The following UBE2E1 variants were observed in gnomAD, a reference collection of about 807,000 sequenced individuals.
UBE2E1 encodes ubiquitin-conjugating enzyme E2 E1.
A neutral mutation model predicts 21.4 loss-of-function variants in UBE2E1; 6 were observed. The ratio of observed to expected loss-of-function variants is 0.28; its 90% confidence interval spans 0.15 to 0.55. The LOEUF is 0.55. UBE2E1 is among the 20% of genes least tolerant of loss of function. The probability of loss-of-function intolerance (pLI) is 0.93; values close to 1 mark genes in which losing one functional copy is unlikely to be tolerated. For synonymous variants in UBE2E1, 87 were observed against 82.7 expected, an observed-to-expected ratio of 1.05 and a Z score of -0.28; for missense variants, 142 against 236.5, an observed-to-expected ratio of 0.60 and a Z score of 2.62.
At chr3:23,850,211 G>A (rs1325288082) in intron 3 of UBE2E1, among the ~76,000 whole-genome samples, 1 of 152,050 alleles carries the variant, frequency 6.6e-6, no homozygotes, top group African/African-American at 2.4e-5. Context: ...ATATTGCCCA[G>A]GCTGGTATTG....
chr3:23,865,554 A>G (rs911461504), intron 3 of UBE2E1, among the ~76,000 whole-genome samples: 5 of 152,028 alleles, frequency 3.3e-5, no homozygotes, highest in African/African-American at 9.7e-5. Context: ...AGGTCTCACA[A>G]TGTTGCCCAT....
chr3:23,848,259 A>G (rs780917494), intron 3 of UBE2E1, among the ~76,000 whole-genome samples: 41 of 152,224 alleles, frequency 2.7e-4, no homozygotes, highest in Non-Finnish European at 4.6e-4. Flanking sequence ...ACTTGAGGTC[A>G]GGAGTTTGAG....
rs537184817 is a variant in UBE2E1, at chr3:23,859,979, A to G, written c.204-27588A>G. On this transcript the variant is annotated intron_variant, in intron 3 of 5. Coordinates refer to ENST00000306627, the MANE Select transcript of UBE2E1 (RefSeq NM_003341.5). ...GACTGCTGGAGCCACTGAAATTTTCATTTACTTTGTTTTGAAGAAGCAGTT... is the reference window on the plus strand; with the variant it reads ...GACTGCTGGAGCCACTGAAATTTTCGTTTACTTTGTTTTGAAGAAGCAGTT... Among the ~76,000 whole-genome samples, 17 of 152,250 alleles carry G rather than the reference A, an allele frequency of 1.1e-4. No individual in the cohort carries two copies. In the East Asian group the frequency reaches 3.3e-3, roughly 29 times the overall value.
chr3:23,820,314 T>C (rs1377920519), intron 3 of UBE2E1, among the ~76,000 whole-genome samples: 1 of 152,226 alleles, frequency 6.6e-6, no homozygotes, highest in Non-Finnish European at 1.5e-5. Context: ...TCAAAGTCCC[T>C]GCTTGAGAAC....
chr3:23,843,689 C>G (rs1373883099), intron 3 of UBE2E1, among the ~76,000 whole-genome samples: 1 of 151,730 alleles, frequency 6.6e-6, no homozygotes, highest in Non-Finnish European at 1.5e-5. Flanking sequence ...TCACAAGCAT[C>G]TTCCATACCA....
intron 3 of UBE2E1, among the ~76,000 whole-genome samples, chr3:23,838,357 A>G (rs929333101): frequency 3.3e-5 from 5 of 152,160 alleles, no homozygotes; most frequent in East Asian, 1.9e-4. Flanking sequence ...ATGAACCACC[A>G]TGCCTGGACT....
Position 23,806,809 on chromosome 3 carries a change from A to T in UBE2E1, c.-33-428A>T. On this transcript the variant is annotated intron_variant, in intron 1 of 5. Transcript: ENST00000306627. The surrounding 1 kb of genome is among the most constrained non-coding windows in gnomAD (Gnocchi z 6.5). ...CTCGCCAAACTCCGCTCGTGGCCCC[A>T]CAGTCTCACCCGGGCCACCGGCCCC... 1 of 138,286 alleles carries T rather than the reference A, an allele frequency of 7.2e-6. No homozygotes were observed. Among genetic ancestry groups the T allele is most frequent in the East Asian group, 2.1e-4 (1 of 4,652 alleles). 8.6% of individuals were successfully genotyped at this position (138,286 alleles called of 1,614,324 possible). A position where few individuals can be genotyped will look rare whatever the true frequency, so the allele number is the denominator to read the frequency against.
intron 3 of UBE2E1, among the ~76,000 whole-genome samples, chr3:23,855,503 C>T (rs556711180): frequency 1.3e-5 from 2 of 152,238 alleles, no homozygotes; most frequent in African/African-American, 4.8e-5. Context: ...GAAGAGTTAG[C>T]ACTTGTTCCT....
intron 3 of UBE2E1, among the ~76,000 whole-genome samples, chr3:23,834,261 C>T (rs532640397): frequency 6.6e-6 from 1 of 152,270 alleles, no homozygotes; most frequent in African/African-American, 2.4e-5. Flanking sequence ...GCACTATAAT[C>T]TTGGGCAGAT....
intron 3 of UBE2E1, among the ~76,000 whole-genome samples, chr3:23,882,715 G>A (rs1477342344): frequency 6.6e-6 from 1 of 152,204 alleles, no homozygotes; most frequent in Non-Finnish European, 1.5e-5. Context: ...GAGAATTTGA[G>A]CCTGTTGCTG....
intron 3 of UBE2E1, among the ~76,000 whole-genome samples, chr3:23,871,300 CA>C (rs1700781511): frequency 9.6e-6 from 1 of 104,454 alleles, no homozygotes; most frequent in Non-Finnish European, 2.0e-5. Flanking sequence ...GCTGGCCGGG[CA>C]GAGGAGCTCC....
intron 3 of UBE2E1, among the ~76,000 whole-genome samples, chr3:23,820,033 G>T (rs1699614308): frequency 6.6e-6 from 1 of 152,148 alleles, no homozygotes; most frequent in Non-Finnish European, 1.5e-5. Flanking sequence ...GGGTCTAGGG[G>T]TGCTAAATAC....
In UBE2E1 at chr3:23,811,568, T is replaced by G. The variant is rs1171283018; in HGVS notation, c.203+58T>G. ...AAATTCTTCTAACCTTTGTCTTGGGTTTTTCTTTTTATTATATACTTTTTC... is the reference window on the plus strand; with the variant it reads ...AAATTCTTCTAACCTTTGTCTTGGGGTTTTCTTTTTATTATATACTTTTTC... On this transcript the variant is annotated intron_variant, in intron 3 of 5. Coordinates refer to ENST00000306627, the MANE Select transcript of UBE2E1 (RefSeq NM_003341.5). The G allele has an allele frequency of 4.1e-5, 63 of 1,526,404 alleles. No homozygotes were observed. In the Admixed American group the frequency reaches 1.1e-3, roughly 26 times the overall value. 94.6% of individuals were successfully genotyped at this position (1,526,404 alleles called of 1,614,324 possible). A position where few individuals can be genotyped will look rare whatever the true frequency, so the allele number is the denominator to read the frequency against.
chr3:23,861,727 A>T (rs1010210130), intron 3 of UBE2E1, among the ~76,000 whole-genome samples: 5 of 152,340 alleles, frequency 3.3e-5, no homozygotes, highest in Non-Finnish European at 7.3e-5. Context: ...GACTGGTGGA[A>T]TGACACAAAG....
In UBE2E1 at chr3:23,842,246, T is replaced by TGTGTGTGTGTGTGTGTGTGTGTGTG. The variant is rs759418034; in HGVS notation, c.203+30739_203+30740insTGTGTGTGTGTGTGTGTGTGTGGTG. Among the ~76,000 whole-genome samples, 3 of 36,758 alleles carry TGTGTGTGTGTGTGTGTGTGTGTGTG rather than the reference T, an allele frequency of 8.2e-5. No homozygotes were observed. Among genetic ancestry groups the TGTGTGTGTGTGTGTGTGTGTGTGTG allele is most frequent in the Middle Eastern group, 0.018 (1 of 56 alleles). 24.1% of individuals were successfully genotyped at this position (36,758 alleles called of 152,430 possible). A position where few individuals can be genotyped will look rare whatever the true frequency, so the allele number is the denominator to read the frequency against. ...GTGTGTGTGTGTGTGTGTGTGTGTG[T>TGTGTGTGTGTGTGTGTGTGTGTGTG]GTGGTGTTGTTGTTGTTGGCGACAG... On this transcript the variant is annotated intron_variant, in intron 3 of 5. Transcript: ENST00000306627. The surrounding 1 kb of genome is among the most constrained non-coding windows in gnomAD (Gnocchi z 4.6).
chr3:23,843,409 T>G (rs1250687694), intron 3 of UBE2E1, among the ~76,000 whole-genome samples: 1 of 152,224 alleles, frequency 6.6e-6, no homozygotes, highest in Admixed American at 6.5e-5. Flanking sequence ...CACATAATGA[T>G]AATATAGATT....
chr3:23,860,520 T>C (rs1047942341), intron 3 of UBE2E1, among the ~76,000 whole-genome samples: 9 of 152,214 alleles, frequency 5.9e-5, no homozygotes, highest in Non-Finnish European at 1.2e-4. Flanking sequence ...GTGGCTATCC[T>C]ATGAGTTTAT....
In UBE2E1 at chr3:23,816,089, C is replaced by G. The variant is rs773470992; in HGVS notation, c.203+4579C>G. Among the ~76,000 whole-genome samples, 1 of 152,104 alleles carries G rather than the reference C, an allele frequency of 6.6e-6. No homozygotes were observed. Among genetic ancestry groups the G allele is most frequent in the Non-Finnish European group, 1.5e-5 (1 of 68,010 alleles). On this transcript the variant is annotated intron_variant, in intron 3 of 5. Transcript: ENST00000306627. The surrounding 1 kb of genome is among the most constrained non-coding windows in gnomAD (Gnocchi z 4.8). The stretch of plus-strand genomic sequence containing the variant: ...TTCAAATGAGCAGGAAGTCTTGTGG[C>G]GGTTGTGTTTACCAAAAGACTATAT...
At chr3:23,822,361 C>T (rs1699661892) in intron 3 of UBE2E1, among the ~76,000 whole-genome samples, 1 of 152,152 alleles carries the variant, frequency 6.6e-6, no homozygotes, top group Non-Finnish European at 1.5e-5. Flanking sequence ...CTGGTGTTAT[C>T]TACTTTCTAC....
Sources: allele counts gnomAD v4.1 joint callset (sites outside exome capture counted in the v4.1 genomes callset), GRCh38; gene constraint gnomAD v4.1.1; non-coding constraint Gnocchi (gnomAD v3.1); transcripts MANE v1.5; gene names NCBI Gene and HGNC (gene_info 2026-07-23, HGNC 2026-07-21).